CPQ: variants seen among roughly 807,000 people sequenced by gnomAD.
The protein encoded by CPQ is carboxypeptidase Q, also known as Ser-Met dipeptidase.
Under a neutral mutation model 45.7 loss-of-function variants are expected in CPQ, and 37 were observed. The observed-to-expected ratio is 0.81, with a 90% CI of 0.62 to 1.07. CPQ has a LOEUF of 1.07. Ranked by LOEUF, CPQ falls within the 50% of genes least tolerant of loss-of-function variation. CPQ has a pLI of 0.00. For synonymous variants in CPQ, 186 were observed against 205.8 expected, an observed-to-expected ratio of 0.90 and a Z score of 0.82; for missense variants, 537 against 572.9, an observed-to-expected ratio of 0.94 and a Z score of 0.64.
At chr8:96,942,041 C>CT (rs1381149301) in intron 4 of CPQ, among the ~76,000 whole-genome samples, 1 of 152,160 alleles carries the variant, frequency 6.6e-6, no homozygotes, top group African/African-American at 2.4e-5. Flanking sequence ...TATCCTTATC[C>CT]TTTCCTCTAG....
intron 7 of CPQ, among the ~76,000 whole-genome samples, chr8:97,089,425 T>C (rs529283795): frequency 5.1e-4 from 77 of 152,162 alleles, no homozygotes; most frequent in Non-Finnish European, 9.0e-4. Flanking sequence ...GGGTAGTCCA[T>C]AGTCTCCCCT....
At chr8:96,887,252 T>C (rs982880688) in intron 4 of CPQ, among the ~76,000 whole-genome samples, 2 of 152,180 alleles carry the variant, frequency 1.3e-5, no homozygotes, top group East Asian at 3.8e-4. Context: ...TCACAGCTAT[T>C]GTAAAAATAG....
rs1483121125 is a variant in CPQ at position 97,058,129 on chromosome 8, G to A, written c.1054-7880G>A. ...GTCACAATCCAGAAATGCTGAAAGT[G>A]CTTGTCTGTAGGCTAGAGAAAGAAA... is the stretch of plus-strand genomic sequence containing the variant. On this transcript the variant is annotated intron_variant, in intron 6 of 7. Coordinates refer to ENST00000220763, the MANE Select transcript of CPQ (RefSeq NM_016134.4). Among the ~76,000 whole-genome samples, 4 of 152,232 alleles carry A rather than the reference G, an allele frequency of 2.6e-5. No homozygotes were observed. The East Asian group carries it at 7.7e-4, about 29-fold the overall frequency.
intron 4 of CPQ, among the ~76,000 whole-genome samples, chr8:96,897,002 T>C (rs879927935): frequency 2.0e-5 from 3 of 152,222 alleles, no homozygotes; most frequent in Non-Finnish European, 4.4e-5. Flanking sequence ...CCCCATCTTC[T>C]GATTCCCACA....
intron 4 of CPQ, among the ~76,000 whole-genome samples, chr8:96,902,637 C>G (rs927916281): frequency 6.6e-6 from 1 of 152,180 alleles, no homozygotes; most frequent in African/African-American, 2.4e-5. Flanking sequence ...GAACTTCCCC[C>G]TTGCCCTTGT....
intron 6 of CPQ, among the ~76,000 whole-genome samples, chr8:97,045,546 A>C (rs1269998334): frequency 6.6e-6 from 1 of 152,222 alleles, no homozygotes; most frequent in Non-Finnish European, 1.5e-5. Flanking sequence ...CTGGTACCTC[A>C]GATGGAAATG....
At chr8:96,847,317 G>A (rs1161309486) in intron 3 of CPQ, among the ~76,000 whole-genome samples, 1 of 152,108 alleles carries the variant, frequency 6.6e-6, no homozygotes, top group African/African-American at 2.4e-5. Context: ...AGTTGCAAAT[G>A]TTTTTCTAAT....
chr8:96,956,033 TTAAAC>T (rs1354695793), intron 4 of CPQ, among the ~76,000 whole-genome samples: 2 of 152,140 alleles, frequency 1.3e-5, no homozygotes, highest in Non-Finnish European at 2.9e-5. Context: ...TGGGATCTAA[TTAAAC>T]TAAAGAGCTT....
intron 2 of CPQ, among the ~76,000 whole-genome samples, chr8:96,787,776 G>A (rs1810790645): frequency 6.6e-6 from 1 of 151,226 alleles, no homozygotes; most frequent in Non-Finnish European, 1.5e-5. Flanking sequence ...TCTTGAGTCA[G>A]TTTTAGTAGT....
At chr8:96,782,286 G>T (rs1357350236) in intron 1 of CPQ, among the ~76,000 whole-genome samples, 2 of 152,150 alleles carry the variant, frequency 1.3e-5, no homozygotes, top group African/African-American at 4.8e-5. Flanking sequence ...TGCAGAATTG[G>T]CACCGTGTGG....
intron 2 of CPQ, among the ~76,000 whole-genome samples, chr8:96,791,619 T>G (rs1401735589): frequency 6.6e-6 from 1 of 152,204 alleles, no homozygotes; most frequent in Non-Finnish European, 1.5e-5. Flanking sequence ...TAAACAGTTG[T>G]CTGGCAACTG....
intron 1 of CPQ, among the ~76,000 whole-genome samples, chr8:96,668,393 T>A (rs574114129): frequency 6.6e-6 from 1 of 152,300 alleles, no homozygotes; most frequent in African/African-American, 2.4e-5. Context: ...GATGAGATCA[T>A]TGGGTGATTA....
In CPQ at chr8:96,825,091, C is replaced by G. The variant is rs1258900028; in HGVS notation, c.434-9882C>G. On this transcript the variant is annotated intron_variant, in intron 2 of 7. Transcript: ENST00000220763. ...GGTTTGGGTAGGATTGGCCCCTTAC[C>G]CAGGTCTGGGGGTGGAATGGCCTTG... Among the ~76,000 whole-genome samples the G allele has an allele frequency of 3.3e-5, 5 of 152,028 alleles. No homozygotes were observed. In the East Asian group the frequency reaches 9.7e-4, roughly 30 times the overall value.
At chr8:96,771,080 A>G (rs1156386446) in intron 1 of CPQ, among the ~76,000 whole-genome samples, 3 of 146,718 alleles carry the variant, frequency 2.0e-5, no homozygotes, top group Non-Finnish European at 3.0e-5. Flanking sequence ...GGTTGAAGCA[A>G]TATATATATA....
intron 3 of CPQ, among the ~76,000 whole-genome samples, chr8:96,854,441 G>A (rs573440333): frequency 4.0e-4 from 58 of 144,636 alleles, no homozygotes; most frequent in Admixed American, 8.6e-4. Context: ...TGAGGCAGGA[G>A]AATGGCGTGA....
chr8:96,779,986 CT>C (rs1264276914), intron 1 of CPQ, among the ~76,000 whole-genome samples: 2 of 152,246 alleles, frequency 1.3e-5, no homozygotes, highest in South Asian at 2.1e-4. Flanking sequence ...ATGATAGCAA[CT>C]TTTTACTCTT....
At chr8:96,767,635 C>CTTTTTTTTTTTTTTTTTTTTT (rs1172189500) in intron 1 of CPQ, among the ~76,000 whole-genome samples, 1 of 39,278 alleles carries the variant, frequency 2.5e-5, no homozygotes, top group Non-Finnish European at 4.4e-5. Flanking sequence ...GTTACCTATG[C>CTTTTTTTTTTTTTTTTTTTTT]TTTTTTTTTT....
rs187811725 is a variant in CPQ, at chr8:97,022,411, C to T, written c.962-6992C>T. 1.7e-3 allele frequency among the ~76,000 whole-genome samples: 259 copies of T among 152,194 alleles called. 3 individuals carry two copies. Among genetic ancestry groups the T allele is most frequent in the Admixed American group, 0.013 (196 of 15,276 alleles). ...ATTTAATTAAACTTAAGAGATTTTG[C>T]GTGGCAAAAGGAACAGTCAGCAGAG... On this transcript the variant is annotated intron_variant, in intron 5 of 7. Transcript: ENST00000220763.
Position 96,835,072 on chromosome 8 carries a change from T to A in CPQ, c.533T>A (p.Ile178Asn), listed in dbSNP as rs1324778651. The A allele has an allele frequency of 5.0e-6, 8 of 1,613,466 alleles. No homozygotes were observed. The highest frequency in any genetic ancestry group is 1.7e-4 in the Middle Eastern group (1 of 6,060). Residue 178 changes from isoleucine to asparagine, a missense_variant, in exon 3 of 8, where the codon ATC becomes AAC. Transcript: ENST00000220763. ...GKIVVYNQPY[I>N]NYSRTVQYRT... The stretch of plus-strand genomic sequence containing the variant: ...ATTGTTGTTTATAACCAACCTTACA[T>A]CAACTACTCAAGGACGGTGCAATAC...
Sources: gnomAD v4.1 joint callset for allele counts (sites outside exome capture counted in the v4.1 genomes callset) on GRCh38, gnomAD v4.1.1 for gene constraint, MANE v1.5 for transcripts, NCBI Gene and HGNC (gene_info 2026-07-23, HGNC 2026-07-21) for gene names.